Variants in NKAIN3 observed in about 807,000 individuals in gnomAD.
The protein encoded by NKAIN3 is sodium/potassium transporting ATPase interacting 3, also known as sodium/potassium-transporting ATPase subunit beta-1-interacting protein 3.
NKAIN3 carries 25 observed loss-of-function variants against 30.2 expected under a neutral mutation model. That is an observed-to-expected ratio of 0.83 (90% CI 0.60 to 1.16). NKAIN3 has a LOEUF of 1.16. Among genes scored for constraint, NKAIN3 ranks in the 50% most tolerant of loss-of-function variants. The pLI is 0.00. For missense variants in NKAIN3, 225 were observed against 254.1 expected (o/e 0.89, Z 0.78); for synonymous variants, 91 against 89.6 (o/e 1.02, Z -0.09).
chr8:62,790,602 TC>T lies in NKAIN3; in HGVS notation c.471+43474del, dbSNP rs562282602. 5.3e-3 allele frequency among the ~76,000 whole-genome samples: 790 copies of T among 148,546 alleles called. 6 individuals are homozygous for T. Among genetic ancestry groups the T allele is most frequent in the African/African-American group, 0.019 (758 of 40,918 alleles). On this transcript the variant is annotated intron_variant, in intron 4 of 6. Coordinates refer to ENST00000623646, the MANE Select transcript of NKAIN3 (RefSeq NM_001304533.3). ...CTGTCTGTGTGTGTGTGTGTGTGTG[TC>T]TGTCTGTGTGTACAGCAGAAATTCT...
chr8:62,483,099 A>G (rs552602147), intron 1 of NKAIN3: 1 of 152,368 alleles, frequency 6.6e-6, no homozygotes, highest in Admixed American at 6.5e-5. Flanking sequence ...AAATTTGGGC[A>G]AGAAAAGAAG....
chr8:62,480,713 A>G (rs1427658705), intron 1 of NKAIN3, among the ~76,000 whole-genome samples: 1 of 152,126 alleles, frequency 6.6e-6, no homozygotes, highest in African/African-American at 2.4e-5. Flanking sequence ...CCAGAAAATC[A>G]TTTCCTGTAT....
intron 3 of NKAIN3, among the ~76,000 whole-genome samples, chr8:62,692,794 T>C (rs1039004444): frequency 6.6e-6 from 1 of 152,246 alleles, no homozygotes; most frequent in African/African-American, 2.4e-5. Flanking sequence ...TTTCATCCAC[T>C]TCATTAATTT....
intron 5 of NKAIN3, among the ~76,000 whole-genome samples, chr8:62,993,679 T>TG (rs1348547420): frequency 6.6e-6 from 1 of 152,152 alleles, no homozygotes; most frequent in Non-Finnish European, 1.5e-5. Context: ...TTGTTCTGGT[T>TG]GGGCCTGATG....
chr8:62,741,358 AGAAAGAAGGAAGGAAGGAAG>A (rs1410759779), intron 3 of NKAIN3, among the ~76,000 whole-genome samples: 1 of 120,938 alleles, frequency 8.3e-6, no homozygotes, highest in Admixed American at 8.5e-5. Flanking sequence ...AGAAAGAGAG[AGAAAGAAGGAAGGAAGGAAG>A]GAAGGAAGGA....
At chr8:62,340,040 T>C (rs1432299049) in intron 1 of NKAIN3, among the ~76,000 whole-genome samples, 2 of 152,076 alleles carry the variant, frequency 1.3e-5, no homozygotes, top group Non-Finnish European at 1.5e-5. Flanking sequence ...GACACTGATA[T>C]GGGAAAAGAC....
chr8:62,652,455 T>G (rs1812652020), intron 3 of NKAIN3, among the ~76,000 whole-genome samples: 1 of 152,204 alleles, frequency 6.6e-6, no homozygotes, highest in African/African-American at 2.4e-5. Flanking sequence ...GATTAATCAT[T>G]TGTTCTCACA....
chr8:62,691,435 G>A (rs1259931826), intron 3 of NKAIN3, among the ~76,000 whole-genome samples: 1 of 152,066 alleles, frequency 6.6e-6, no homozygotes, highest in African/African-American at 2.4e-5. Context: ...CCATCTGGGT[G>A]GACTTGCCTG....
chr8:62,579,422 G>A, intron 1 of NKAIN3, 117 bp from the exon 2 acceptor site: 1 of 681,606 alleles, frequency 1.5e-6, no homozygotes, highest in Non-Finnish European at 2.3e-6. Context: ...AATAATAACG[G>A]TGACAAAAAG....
chr8:62,789,049 G>T (rs1472447839), intron 4 of NKAIN3, among the ~76,000 whole-genome samples: 3 of 151,994 alleles, frequency 2.0e-5, no homozygotes, highest in African/African-American at 4.8e-5. Context: ...CTTTAAAGTA[G>T]TTTTTTCCAA....
chr8:62,334,236 T>G (rs1815454429), intron 1 of NKAIN3, among the ~76,000 whole-genome samples: 1 of 102,302 alleles, frequency 9.8e-6, no homozygotes, highest in South Asian at 3.0e-4. Flanking sequence ...CAACAGATAT[T>G]TATTCACTTA....
At chr8:62,896,025 T>G (rs1189300326) in intron 4 of NKAIN3, among the ~76,000 whole-genome samples, 1 of 151,780 alleles carries the variant, frequency 6.6e-6, no homozygotes, top group Non-Finnish European at 1.5e-5. Context: ...CAGGACAACG[T>G]TGATGTCTCA....
At chr8:62,658,484 C>A (rs1386853438) in intron 3 of NKAIN3, among the ~76,000 whole-genome samples, 3 of 152,098 alleles carry the variant, frequency 2.0e-5, no homozygotes, top group Non-Finnish European at 4.4e-5. Context: ...CACTGCCTGG[C>A]ATATTATATG....
chr8:62,815,564 A>G (rs1818647619), intron 4 of NKAIN3, among the ~76,000 whole-genome samples: 1 of 152,204 alleles, frequency 6.6e-6, no homozygotes, highest in Admixed American at 6.5e-5. Context: ...GTCTGGTTCA[A>G]TATACACAAA....
chr8:62,558,982 G>A (rs1809488053), intron 1 of NKAIN3, among the ~76,000 whole-genome samples: 1 of 151,946 alleles, frequency 6.6e-6, no homozygotes, highest in African/African-American at 2.4e-5. Flanking sequence ...GTTTGAGAGA[G>A]TTTCTTGTGT....
intron 3 of NKAIN3, among the ~76,000 whole-genome samples, chr8:62,691,392 G>A (rs928189860): frequency 2.6e-5 from 4 of 152,002 alleles, no homozygotes; most frequent in South Asian, 2.1e-4. Flanking sequence ...CAAGCAGAGC[G>A]GGGGATGTTG....
intron 4 of NKAIN3, among the ~76,000 whole-genome samples, chr8:62,852,946 G>T (rs1426839444): frequency 2.6e-5 from 4 of 152,174 alleles, no homozygotes; most frequent in Non-Finnish European, 5.9e-5. Context: ...TTGAGGTGGA[G>T]AGTTCTGTAG....
chr8:62,436,551 G>A (rs1805180043), intron 1 of NKAIN3, among the ~76,000 whole-genome samples: 1 of 152,074 alleles, frequency 6.6e-6, no homozygotes, highest in African/African-American at 2.4e-5. Context: ...ATTAACTGTG[G>A]ATAGATATCC....
At chr8:62,930,060 G>T (rs999010222) in intron 5 of NKAIN3, among the ~76,000 whole-genome samples, 2 of 152,060 alleles carry the variant, frequency 1.3e-5, no homozygotes, top group Non-Finnish European at 2.9e-5. Context: ...TAAAATACGT[G>T]ACATAATATT....
Sources: allele counts gnomAD v4.1 joint callset (sites outside exome capture counted in the v4.1 genomes callset), GRCh38; gene constraint gnomAD v4.1.1; transcripts MANE v1.5; gene names NCBI Gene and HGNC (gene_info 2026-07-23, HGNC 2026-07-21).